ATP6V0A1: variants seen among roughly 807,000 people sequenced by gnomAD.
The protein encoded by ATP6V0A1 is V-type proton ATPase 116 kDa subunit a 1.
ATP6V0A1 carries 43 observed loss-of-function variants against 105.4 expected under a neutral mutation model. The ratio of observed to expected loss-of-function variants is 0.41; its 90% CI spans 0.32 to 0.53. ATP6V0A1 has a LOEUF of 0.53. ATP6V0A1 is among the 20% of genes least tolerant of loss of function. The probability of loss-of-function intolerance (pLI) is 0.30; values close to 1 mark genes in which losing one functional copy is unlikely to be tolerated. For synonymous variants in ATP6V0A1, 362 were observed against 372.8 expected (o/e 0.97, Z 0.33); for missense variants, 676 against 1,051.1 (o/e 0.64, Z 4.93).
intron 17 of ATP6V0A1, 47 bp from the exon 18 acceptor site, chr17:42,507,473 C>A: frequency 7.2e-7 from 1 of 1,392,822 alleles, no homozygotes; most frequent in Non-Finnish European, 1.0e-6. Context: ...CACAGAATGT[C>A]ATGTTAAAGC....
At chr17:42,507,390 A>C in intron 17 of ATP6V0A1, 130 bp from the exon 18 acceptor site, 1 of 668,718 alleles carries the variant, frequency 1.5e-6, no homozygotes, top group Middle Eastern at 3.6e-4. Flanking sequence ...CCGTTCAGTC[A>C]GTGGGTTTTG....
At chr17:42,509,490 G>A (rs1326120616) in intron 19 of ATP6V0A1, among the ~76,000 whole-genome samples, 1 of 152,230 alleles carries the variant, frequency 6.6e-6, no homozygotes, top group East Asian at 1.9e-4. Context: ...AGCCTTTGCT[G>A]TTCTGTGTAA....
chr17:42,463,222 G>A (rs1414402580), intron 2 of ATP6V0A1, among the ~76,000 whole-genome samples: 1 of 150,784 alleles, frequency 6.6e-6, no homozygotes, highest in Non-Finnish European at 1.5e-5. Flanking sequence ...GCCCAGGCTG[G>A]TCTCGAACTC....
rs577078438 is a variant in ATP6V0A1 at position 42,507,883 on chromosome 17, G to A, written c.2112+256G>A. Among the ~76,000 whole-genome samples, 125 of 152,210 alleles carry A rather than the reference G, an allele frequency of 8.2e-4. 2 individuals are homozygous for A. The highest frequency in any genetic ancestry group is 2.7e-3 in the African/African-American group (111 of 41,528). On this transcript the variant is annotated intron_variant, in intron 18 of 21. Coordinates refer to ENST00000343619, the MANE Select transcript of ATP6V0A1 (RefSeq NM_001130021.3). ...AGATTTTGCCCGCAGTGCTCTGCAC[G>A]CAGGTCTCCATTACTGACTGCTCTC...
chr17:42,459,779 C>T (rs970190159), intron 1 of ATP6V0A1, among the ~76,000 whole-genome samples: 1 of 152,182 alleles, frequency 6.6e-6, no homozygotes, highest in Middle Eastern at 3.2e-3. Context: ...GCTTGTGTTA[C>T]TGTCTTGAAC....
chr17:42,514,118 A>G, intron 20 of ATP6V0A1, 140 bp downstream of exon 20: 1 of 1,254,094 alleles, frequency 8.0e-7, no homozygotes, highest in South Asian at 1.4e-5. Flanking sequence ...GAATGAGTAC[A>G]GACAGGAGGC....
chr17:42,513,659 A>G (rs1044064379), intron 19 of ATP6V0A1: 2 of 580,834 alleles, frequency 3.4e-6, no homozygotes, highest in African/African-American at 3.7e-5. Flanking sequence ...GTCAGGCAGG[A>G]TTTTTGGGGA....
rs1435654248 is a variant in ATP6V0A1, at chr17:42,495,674, C to T, written c.1518C>T (p.Leu506=). The stretch of plus-strand genomic sequence containing the variant: ...CTGTTCTACAGCTGAACCCAGCCCT[C>T]CCTGGAGTGTTTGGTGGACCATACC... The part of the protein sequence containing the change: ...GNPVLQLNPA[L]PGVFGGPYPF... Residue 506 remains leucine, a synonymous_variant, in exon 14 of 22, where the codon CTC becomes CTT. Coordinates refer to ENST00000343619, the MANE Select transcript of ATP6V0A1 (RefSeq NM_001130021.3). 6.2e-7 allele frequency: 1 copy of T among 1,613,966 alleles called. No homozygotes were observed. Among genetic ancestry groups the T allele is most frequent in the Non-Finnish European group, 8.5e-7 (1 of 1,179,998 alleles).
At position 42,508,536 on chromosome 17, in the gene ATP6V0A1, G is replaced by A. The variant is rs369409871; in HGVS notation, c.2113-36G>A. The A allele has an allele frequency of 1.6e-4, 261 of 1,613,820 alleles. 2 individuals carry two copies. Among genetic ancestry groups the A allele is most frequent in the South Asian group, 9.1e-4 (83 of 91,072 alleles). On this transcript the variant is annotated intron_variant, in intron 18 of 21. Coordinates refer to ENST00000343619, the MANE Select transcript of ATP6V0A1 (RefSeq NM_001130021.3). ...CCTAACTTGTGACCTTGTGTGTGGCGTGGCTCCCCACTAAGTGTAAATTTG... is the reference window on the plus strand; with the variant it reads ...CCTAACTTGTGACCTTGTGTGTGGCATGGCTCCCCACTAAGTGTAAATTTG...
chr17:42,483,592 A>AT (rs2089785391), intron 9 of ATP6V0A1, among the ~76,000 whole-genome samples: 1 of 151,278 alleles, frequency 6.6e-6, no homozygotes, highest in African/African-American at 2.4e-5. Flanking sequence ...ATTTTTATTT[A>AT]TTTTTTTGAG....
At chr17:42,470,389 C>A in intron 5 of ATP6V0A1, 171 bp downstream of exon 5, 2 of 731,298 alleles carry the variant, frequency 2.7e-6, no homozygotes, top group Non-Finnish European at 4.3e-6. Context: ...TCATGCAGTA[C>A]ACAACCAGCC....
intron 2 of ATP6V0A1, among the ~76,000 whole-genome samples, chr17:42,465,843 G>A (rs1026517474): frequency 6.6e-6 from 1 of 151,834 alleles, no homozygotes; most frequent in Non-Finnish European, 1.5e-5. Context: ...GTGCGCACCT[G>A]TAATCCCAGC....
intron 17 of ATP6V0A1, 75 bp from the exon 18 acceptor site, chr17:42,507,445 C>A: frequency 1.9e-6 from 2 of 1,040,038 alleles, no homozygotes; most frequent in Non-Finnish European, 2.9e-6. Flanking sequence ...GTGTTACTAA[C>A]CATCGCCCTT....
rs1476012162 is a variant in ATP6V0A1, at chr17:42,480,687, T to C, written c.654T>C (p.Ser218=). The C allele has an allele frequency of 1.9e-6, 3 of 1,613,852 alleles. No homozygotes were observed. In the South Asian group the frequency reaches 3.3e-5, roughly 18 times the overall value. ...CCTAGGGCGACTACGTGCACAAGTCTGTGTTTATCATTTTCTTCCAAGGCG... is the reference window on the plus strand; with the variant it reads ...CCTAGGGCGACTACGTGCACAAGTCCGTGTTTATCATTTTCTTCCAAGGCG... ...DPVTGDYVHK[S]VFIIFFQGDQ... The change falls in exon 8 of 22, where the codon TCT becomes TCC. Residue 218 remains serine, a synonymous_variant. Transcript: ENST00000343619.
intron 14 of ATP6V0A1, 70 bp downstream of exon 14, chr17:42,495,786 A>C: frequency 7.6e-7 from 1 of 1,318,602 alleles, no homozygotes; most frequent in Non-Finnish European, 1.1e-6. Context: ...AGAGAATTAA[A>C]ATGAAGATAA....
chr17:42,490,714 A>T, intron 11 of ATP6V0A1, 77 bp downstream of exon 11: 1 of 1,461,546 alleles, frequency 6.8e-7, no homozygotes, highest in South Asian at 1.4e-5. Context: ...TTTGAGACAG[A>T]GTCTCCCTCT....
At chr17:42,506,802 T>A (rs2092056243) in intron 17 of ATP6V0A1, among the ~76,000 whole-genome samples, 1 of 152,208 alleles carries the variant, frequency 6.6e-6, no homozygotes, top group Non-Finnish European at 1.5e-5. Flanking sequence ...TACAAAAGAC[T>A]GTGTTTGTGA....
chr17:42,491,301 T>A (rs1454158836), intron 11 of ATP6V0A1, among the ~76,000 whole-genome samples: 5 of 152,274 alleles, frequency 3.3e-5, no homozygotes, highest in South Asian at 2.1e-4. Flanking sequence ...ACTGTTTTTT[T>A]AATTTAATTT....
chr17:42,500,017 C>A (rs1003485687), intron 15 of ATP6V0A1, among the ~76,000 whole-genome samples: 13 of 146,422 alleles, frequency 8.9e-5, no homozygotes, highest in African/African-American at 3.3e-4. Flanking sequence ...AGGCGGATCA[C>A]TTGAGCCCAA....
Sources: allele counts gnomAD v4.1 joint callset (sites outside exome capture counted in the v4.1 genomes callset), GRCh38; gene constraint gnomAD v4.1.1; transcripts MANE v1.5; gene names NCBI Gene and HGNC (gene_info 2026-07-23, HGNC 2026-07-21).